Variants in GRM5 observed in about 807,000 individuals in gnomAD.
GRM5 encodes the protein glutamate metabotropic receptor 5.
GRM5 carries 19 observed loss-of-function variants against 83.1 expected under a neutral mutation model. The observed-to-expected ratio is 0.23, with a 90% CI of 0.16 to 0.34. GRM5 has a LOEUF of 0.34. Ranked by LOEUF, GRM5 falls within the 10% of genes least tolerant of loss-of-function variation. The pLI, the probability that GRM5 is intolerant of heterozygous loss-of-function variation, is 1.00. For synonymous variants in GRM5, 675 were observed against 633.6 expected (o/e 1.07, Z -0.98); for missense variants, 1,160 against 1,588.3 (o/e 0.73, Z 4.58).
chr11:88,865,162 A>G (rs961716389), intron 2 of GRM5, among the ~76,000 whole-genome samples: 1 of 152,136 alleles, frequency 6.6e-6, no homozygotes, highest in African/African-American at 2.4e-5. Flanking sequence ...TGCTATCCCC[A>G]TCAAGCTATA....
intron 3 of GRM5, among the ~76,000 whole-genome samples, chr11:88,826,926 A>G (rs1341936313): frequency 6.6e-6 from 1 of 152,224 alleles, no homozygotes; most frequent in East Asian, 1.9e-4. Context: ...GTGTCAGGCT[A>G]TAACAATCTC....
chr11:88,864,193 G>A (rs1944618284), intron 2 of GRM5, among the ~76,000 whole-genome samples: 2 of 150,030 alleles, frequency 1.3e-5, no homozygotes, highest in Admixed American at 6.7e-5. Context: ...GAGGCTATAT[G>A]ATGGGAGGGC....
intron 3 of GRM5, among the ~76,000 whole-genome samples, chr11:88,775,829 T>C (rs1044208789): frequency 3.3e-5 from 5 of 152,234 alleles, no homozygotes; most frequent in Admixed American, 6.5e-5. Flanking sequence ...TTCTGCTTTT[T>C]TACATTTGCT....
In GRM5 at chr11:88,667,766, G is replaced by A. The variant is rs971791459; in HGVS notation, c.912-14363C>T. On this transcript the variant is annotated intron_variant, in intron 3 of 9. Transcript: ENST00000305447. ...AAATTAGCTGTATGTGGTGGCAGGC[G>A]CCTGTAGTCCCAGCTACTTGGGAGG... Among the ~76,000 whole-genome samples, 54 of 151,986 alleles carry A rather than the reference G, an allele frequency of 3.6e-4. 1 individual carries two copies. The highest frequency in any genetic ancestry group is 1.7e-4 in the African/African-American group (7 of 41,400).
chr11:88,947,147 G>C (rs1281109051), intron 2 of GRM5, among the ~76,000 whole-genome samples: 1 of 151,906 alleles, frequency 6.6e-6, no homozygotes, highest in Non-Finnish European at 1.5e-5. Context: ...AATGAGAATT[G>C]TGAAAAAAAA....
intron 3 of GRM5, among the ~76,000 whole-genome samples, chr11:88,800,402 G>A (rs568760266): frequency 1.5e-5 from 2 of 137,626 alleles, no homozygotes; most frequent in Non-Finnish European, 3.0e-5. Context: ...TTCTTTCATG[G>A]TTCTACAGTA....
chr11:88,824,047 T>TTTGGC (rs1943849749), intron 3 of GRM5, among the ~76,000 whole-genome samples: 1 of 152,238 alleles, frequency 6.6e-6, no homozygotes, highest in African/African-American at 2.4e-5. Context: ...TGGCTGAGAA[T>TTTGGC]TTGGCTTTCT....
intron 1 of GRM5, among the ~76,000 whole-genome samples, chr11:89,058,874 C>T (rs1191177358): frequency 3.3e-5 from 5 of 152,010 alleles, no homozygotes; most frequent in Non-Finnish European, 4.4e-5. Flanking sequence ...GCAACAATAA[C>T]GATAACTTTA....
chr11:88,584,328 A>T (rs1018650599), intron 7 of GRM5, among the ~76,000 whole-genome samples: 9 of 151,024 alleles, frequency 6.0e-5, no homozygotes, highest in African/African-American at 2.2e-4. Flanking sequence ...TGAAATCTGT[A>T]TCCTTCCTTT....
intron 2 of GRM5, among the ~76,000 whole-genome samples, chr11:88,994,535 T>A (rs1591030882): frequency 7.2e-6 from 1 of 137,970 alleles, no homozygotes; most frequent in African/African-American, 2.7e-5. Flanking sequence ...ACATTGTGAA[T>A]CCTCTGAGAG....
At chr11:88,956,055 A>C (rs539556708) in intron 2 of GRM5, among the ~76,000 whole-genome samples, 26 of 152,230 alleles carry the variant, frequency 1.7e-4, no homozygotes, top group Non-Finnish European at 2.9e-4. Context: ...GCTTCACAAA[A>C]CAGCATCAGA....
intron 2 of GRM5, among the ~76,000 whole-genome samples, chr11:88,996,641 T>C (rs1940194255): frequency 6.6e-6 from 1 of 152,222 alleles, no homozygotes. Context: ...AGTAAGGATA[T>C]AGACAAACAT....
rs375160279 is a variant in GRM5 at position 88,777,831 on chromosome 11, G to A, written c.911+72075C>T. Among the ~76,000 whole-genome samples, 12 of 152,178 alleles carry A rather than the reference G, an allele frequency of 7.9e-5. No individual in the cohort carries two copies. The South Asian group carries it at 1.7e-3, about 21-fold the overall frequency. On this transcript the variant is annotated intron_variant, in intron 3 of 9. Coordinates refer to ENST00000305447, the MANE Select transcript of GRM5 (RefSeq NM_001143831.3). ...GCCTGATCCTTCCTCTGGAAGCTTC[G>A]TTTCAGAGGAGCAGCCACCTATATG... is the stretch of plus-strand genomic sequence containing the variant.
intron 2 of GRM5, among the ~76,000 whole-genome samples, chr11:88,987,150 G>A (rs187771782): frequency 0.027 from 4,112 of 152,060 alleles, 168 homozygotes; most frequent in African/African-American, 0.091. Context: ...CAGTGGGTGC[G>A]CGCACCGTGC....
chr11:88,802,700 G>A (rs1943421512), intron 3 of GRM5, among the ~76,000 whole-genome samples: 1 of 151,512 alleles, frequency 6.6e-6, no homozygotes, highest in African/African-American at 2.4e-5. Flanking sequence ...TTAGGCAGGA[G>A]AAGGAAATAA....
chr11:88,896,130 T>G (rs1245933906), intron 2 of GRM5, among the ~76,000 whole-genome samples: 3 of 151,910 alleles, frequency 2.0e-5, no homozygotes, highest in Non-Finnish European at 4.4e-5. Context: ...ACTACTCCAT[T>G]TCATAGATGA....
chr11:88,845,763 C>T (rs1285184069), intron 3 of GRM5, among the ~76,000 whole-genome samples: 1 of 150,274 alleles, frequency 6.7e-6, no homozygotes, highest in African/African-American at 2.5e-5. Context: ...GAAAACAAAA[C>T]ATTTGTGTGA....
At chr11:88,644,562 C>G (rs1031806018) in intron 4 of GRM5, among the ~76,000 whole-genome samples, 1 of 152,124 alleles carries the variant, frequency 6.6e-6, no homozygotes, top group African/African-American at 2.4e-5. Context: ...ATTCTATTGA[C>G]TGTAGTTACT....
chr11:88,774,730 C>G (rs1278816518), intron 3 of GRM5, among the ~76,000 whole-genome samples: 1 of 152,156 alleles, frequency 6.6e-6, no homozygotes, highest in African/African-American at 2.4e-5. Flanking sequence ...GTCCTTGGTT[C>G]TGTTCATGTG....
Sources: allele counts gnomAD v4.1 joint callset (sites outside exome capture counted in the v4.1 genomes callset), GRCh38; gene constraint gnomAD v4.1.1; transcripts MANE v1.5; gene names NCBI Gene and HGNC (gene_info 2026-07-23, HGNC 2026-07-21).